The following LRATD1 variants were observed in gnomAD, a reference collection of about 807,000 sequenced individuals.
LRATD1 encodes LRAT domain containing 1.
In LRATD1, 8 loss-of-function variants were observed where a neutral mutation model predicts 21.3. The ratio of observed to expected loss-of-function variants is 0.38; its 90% CI spans 0.22 to 0.68. LRATD1 has a LOEUF of 0.68. Among genes scored for constraint, LRATD1 ranks in the 30% least tolerant of loss-of-function variants. The probability of loss-of-function intolerance (pLI) is 0.54; values close to 1 mark genes in which losing one functional copy is unlikely to be tolerated. For missense variants in LRATD1, 380 were observed against 404.0 expected (o/e 0.94, Z 0.51); for synonymous variants, 210 against 186.2 (o/e 1.13, Z -1.04).
downstream of LRATD1, among the ~76,000 whole-genome samples, chr2:14,641,564 A>G (rs1249604616): frequency 6.6e-6 from 1 of 152,084 alleles, no homozygotes; most frequent in African/African-American, 2.4e-5. Flanking sequence ...TAGCTCCTCT[A>G]TCCAAACACC....
rs1558254987 is a variant in LRATD1 at position 14,635,485 on chromosome 2, TTG to T, written c.*631_*632del. The T allele has an allele frequency of 2.1e-6, 1 of 471,220 alleles. No homozygotes were observed. 29.2% of individuals were successfully genotyped at this position (471,220 alleles called of 1,614,324 possible). A position where few individuals can be genotyped will look rare whatever the true frequency, so the allele number is the denominator to read the frequency against. Reference sequence around the variant, plus strand: ...CTCTCCAGCCCCAGGTCTCCTGACATTGTGTTCCAGGCTGCGGGCTAAGCCAG... The same window carrying T: ...CTCTCCAGCCCCAGGTCTCCTGACATTGTTCCAGGCTGCGGGCTAAGCCAG... On this transcript the variant is annotated 3_prime_UTR_variant, in exon 2 of 2. Coordinates refer to ENST00000295092, the MANE Select transcript of LRATD1 (RefSeq NM_145175.4).
chr2:14,642,856 C>T (rs1287179092), downstream of LRATD1, among the ~76,000 whole-genome samples: 1 of 152,036 alleles, frequency 6.6e-6, no homozygotes, highest in Non-Finnish European at 1.5e-5. Context: ...CTTGGAACTC[C>T]TAGGAGGAGC....
rs1671745519 is a variant in LRATD1 at position 14,638,718 on chromosome 2, C to A, written c.*3860C>A. ...TACTTATTGCACAATCATAATATAG[C>A]AACCTAATTTTCTTTTATTTATAGG... On this transcript the variant is annotated 3_prime_UTR_variant, in exon 2 of 2. Transcript: ENST00000295092. 1 of 166,924 alleles carries A rather than the reference C, an allele frequency of 6.0e-6. No individual in the cohort carries two copies. The highest frequency in any genetic ancestry group is 1.5e-5 in the Non-Finnish European group (1 of 68,048). 10.3% of individuals were successfully genotyped at this position (166,924 alleles called of 1,614,324 possible).
rs527349339 is a variant in LRATD1 at position 14,649,096 on chromosome 2, G to T, written n.437-220G>T. Among the ~76,000 whole-genome samples the T allele has an allele frequency of 9.2e-5, 14 of 152,172 alleles. No individual in the cohort carries two copies. In the South Asian group the frequency reaches 2.9e-3, roughly 32 times the overall value. Reference sequence around the variant, plus strand: ...AACTTCATTAAAAGTCCTGGGACTTGCCTCTCTCCCAGTGGGAACAGCTTT... The same window carrying T: ...AACTTCATTAAAAGTCCTGGGACTTTCCTCTCTCCCAGTGGGAACAGCTTT... On this transcript the variant is annotated intron_variant and non_coding_transcript_variant, in intron 4 of 5. Transcript: ENST00000464947.
chr2:14,649,386 C>A, exon 5 of LRATD1: 1 of 456,358 alleles, frequency 2.2e-6, no homozygotes, highest in South Asian at 1.5e-5. Context: ...CCTTGTATTG[C>A]AACTGGACCC....
rs1412175045 is a variant in LRATD1 at position 14,634,075 on chromosome 2, G to A, written c.96G>A (p.Gly32=). 3.1e-6 allele frequency: 5 copies of A among 1,614,140 alleles called. No individual in the cohort carries two copies. Among genetic ancestry groups the A allele is most frequent in the Non-Finnish European group, 4.2e-6 (5 of 1,180,032 alleles). The part of the protein sequence containing the change: ...SGIEKDELRV[G]VAYFFSDDEE... ...TTGAAAAGGACGAACTGCGGGTCGG[G>A]GTTGCCTACTTCTTCTCGGATGATG... The change falls in exon 2 of 2, where the codon GGG becomes GGA. Residue 32 remains glycine, a synonymous_variant. Transcript: ENST00000295092.
chr2:14,644,226 G>T (rs1671858099), downstream of LRATD1, among the ~76,000 whole-genome samples: 1 of 151,828 alleles, frequency 6.6e-6, no homozygotes, highest in South Asian at 2.1e-4. Context: ...AATTACCCAG[G>T]TATAATTTTT....
Position 14,634,278 on chromosome 2 carries a change from G to C in LRATD1, c.299G>C (p.Ser100Thr). The C allele has an allele frequency of 6.2e-7, 1 of 1,605,642 alleles. No individual in the cohort carries two copies. Residue 100 changes from serine (S) to threonine (T), a missense_variant, in exon 2 of 2, where the codon AGC becomes ACC. By Grantham distance (58) the Ser-to-Thr change is moderately conservative (BLOSUM62 1). Transcript: ENST00000295092. The stretch of plus-strand genomic sequence containing the variant: ...CAGGAATGCATCTTTTCCAAAGTGA[G>C]CGGTGGCCCTCAGGGCGCCGACCTA... ...RGQECIFSKV[S>T]GGPQGADLSV...
downstream of LRATD1, among the ~76,000 whole-genome samples, chr2:14,643,207 G>T (rs1671833277): frequency 6.6e-6 from 1 of 152,114 alleles, no homozygotes; most frequent in Non-Finnish European, 1.5e-5. Context: ...AGTGCCCCTT[G>T]CATGTGTCTG....
In LRATD1 at chr2:14,638,172, C is replaced by G. The variant is rs1244049118; in HGVS notation, c.*3314C>G. On this transcript the variant is annotated 3_prime_UTR_variant, in exon 2 of 2. Coordinates refer to ENST00000295092, the MANE Select transcript of LRATD1 (RefSeq NM_145175.4). ...GGAGGGGGGCTGGGTATACTTTAAA[C>G]AAAACCAGTCCTGAAATGCTGTTAT... 2.1e-5 allele frequency: 2 copies of G among 97,430 alleles called. No individual in the cohort carries two copies. Among genetic ancestry groups the G allele is most frequent in the African/African-American group, 5.1e-5 (1 of 19,758 alleles). The allele number at this position is 97,430 out of a possible 1,614,324, so 6.0% of individuals were successfully genotyped here.
Position 14,634,906 on chromosome 2 carries a change from T to A in LRATD1, c.*48T>A. On this transcript the variant is annotated 3_prime_UTR_variant, in exon 2 of 2. Coordinates refer to ENST00000295092, the MANE Select transcript of LRATD1 (RefSeq NM_145175.4). ...TCTGCCTCCCCCGCACCTCGCTCCC[T>A]TCCCTTCCCCGCACCCGGACTTCGC... 1.3e-6 allele frequency: 2 copies of A among 1,562,934 alleles called. No homozygotes were observed. Among genetic ancestry groups the A allele is most frequent in the Non-Finnish European group, 1.7e-6 (2 of 1,152,920 alleles).
Position 14,634,663 on chromosome 2 carries a change from G to A in LRATD1, c.684G>A (p.Ala228=), listed in dbSNP as rs747270798. 21 of 1,554,058 alleles carry A rather than the reference G, an allele frequency of 1.4e-5. No individual in the cohort carries two copies. The highest frequency in any genetic ancestry group is 1.7e-5 in the Non-Finnish European group (20 of 1,148,024). The part of the protein sequence containing the change: ...WCRFGKREFK[A]GGEVPAGTQP... ...GCTTTGGCAAGCGGGAGTTCAAGGC[G>A]GGAGGGGAGGTGCCGGCAGGCACGC... is the stretch of plus-strand genomic sequence containing the variant. The change falls in exon 2 of 2, where the codon GCG becomes GCA. Residue 228 remains alanine, a synonymous_variant. Transcript: ENST00000295092.
chr2:14,649,232 A>G (rs1178247878), intron 4 of LRATD1: 1 of 454,834 alleles, frequency 2.2e-6, no homozygotes, highest in Non-Finnish European at 4.4e-6. Context: ...TGGTGGAGGA[A>G]GGCTAGTAAA....
In LRATD1 at chr2:14,637,029, A is replaced by T. The variant is rs1201867824; in HGVS notation, c.*2171A>T. On this transcript the variant is annotated 3_prime_UTR_variant, in exon 2 of 2. Transcript: ENST00000295092. The stretch of plus-strand genomic sequence containing the variant: ...TCTTTCAGCACAAACAACAGCAAAA[A>T]CTTTTGTAATAACTAACTTACCTTT... 4 of 167,094 alleles carry T rather than the reference A, an allele frequency of 2.4e-5. No individual in the cohort carries two copies. The highest frequency in any genetic ancestry group is 4.4e-5 in the Non-Finnish European group (3 of 68,114). The allele number at this position is 167,094 out of a possible 1,614,324, so 10.4% of individuals were successfully genotyped here.
Position 14,634,384 on chromosome 2 carries a change from G to T in LRATD1, c.405G>T (p.Pro135=). 3 of 1,547,704 alleles carry T rather than the reference G, an allele frequency of 1.9e-6. No homozygotes were observed. ...AGCTGCTGTGGCTGCAGCCCGCGCC[G>T]GAGCCGCCCGCGCCCGCCCCGCACT... ...LLELLWLQPA[P]EPPAPAPHWA... is the part of the protein sequence containing the mutation. Residue 135 remains proline (P), a synonymous_variant, in exon 2 of 2, where the codon CCG becomes CCT. Transcript: ENST00000295092.
downstream of LRATD1, chr2:14,642,208 G>C (rs76670382): frequency 0.011 from 1,624 of 152,758 alleles, 12 homozygotes; most frequent in Middle Eastern, 0.017. Context: ...TTTCTGTTTA[G>C]AAAATAAGCT....
rs1404521816 is a variant in LRATD1, at chr2:14,632,757, C to T, written c.-217C>T. On this transcript the variant is annotated 5_prime_UTR_variant, in exon 1 of 2. Transcript: ENST00000295092. ...CGGGACTGTCCAGTGGGAGCAGGCG[C>T]CCCGGCCAGCGCAGACCTGGAGGCG... 1.3e-5 allele frequency: 2 copies of T among 152,250 alleles called. No homozygotes were observed. Among genetic ancestry groups the T allele is most frequent in the Non-Finnish European group, 2.9e-5 (2 of 68,110 alleles). 9.4% of individuals were successfully genotyped at this position (152,250 alleles called of 1,614,324 possible). A position where few individuals can be genotyped will look rare whatever the true frequency, so the allele number is the denominator to read the frequency against.
In LRATD1 at chr2:14,634,154, C is replaced by T. The variant is rs777422351; in HGVS notation, c.175C>T (p.Pro59Ser). The change falls in exon 2 of 2, where the codon CCG becomes TCG. Residue 59 changes from proline to serine, a missense_variant. Pro to Ser is a moderately conservative substitution (Grantham distance 74). Transcript: ENST00000295092. Reference sequence around the variant, plus strand: ...CGACAAGTTTGGCGTGAAGGCCCCCCCGGGTTGCACCCCCTGCCCGGAGAG... The same window carrying T: ...CGACAAGTTTGGCGTGAAGGCCCCCTCGGGTTGCACCCCCTGCCCGGAGAG... ...QPDKFGVKAP[P>S]GCTPCPESPS... 7.4e-6 allele frequency: 12 copies of T among 1,613,836 alleles called. No homozygotes were observed. The highest frequency in any genetic ancestry group is 1.7e-5 in the Admixed American group (1 of 60,012).
At position 14,634,379 on chromosome 2, in the gene LRATD1, G is replaced by T; in HGVS notation, c.400G>T (p.Ala134Ser). ...GCTGGAGCTGCTGTGGCTGCAGCCC[G>T]CGCCGGAGCCGCCCGCGCCCGCCCC... is the stretch of plus-strand genomic sequence containing the variant. ...DLLELLWLQP[A>S]PEPPAPAPHW... The change falls in exon 2 of 2, where the codon GCG becomes TCG. Residue 134 changes from alanine to serine, a missense_variant. By Grantham distance (99) the Ala-to-Ser change is moderately conservative. Coordinates refer to ENST00000295092, the MANE Select transcript of LRATD1 (RefSeq NM_145175.4). 6.4e-7 allele frequency: 1 copy of T among 1,554,140 alleles called. No individual in the cohort carries two copies. The highest frequency in any genetic ancestry group is 8.7e-7 in the Non-Finnish European group (1 of 1,152,442).
Sources: allele counts gnomAD v4.1 joint callset (sites outside exome capture counted in the v4.1 genomes callset), GRCh38; gene constraint gnomAD v4.1.1; transcripts MANE v1.5; gene names NCBI Gene and HGNC (gene_info 2026-07-23, HGNC 2026-07-21).